Variants in SLC25A16 observed in about 807,000 individuals in gnomAD.
SLC25A16 encodes mitochondrial coenzyme A transporter SLC25A16.
In SLC25A16, 39 loss-of-function variants were observed where a neutral mutation model predicts 41.5. The ratio of observed to expected loss-of-function variants is 0.94; its 90% CI spans 0.73 to 1.23. The LOEUF is 1.23. SLC25A16 is among the 50% of genes most tolerant of loss of function. SLC25A16 has a pLI of 0.00. For missense variants in SLC25A16, 421 were observed against 426.9 expected (o/e 0.99, Z 0.12); for synonymous variants, 146 against 147.8 (o/e 0.99, Z 0.09).
At chr10:68,508,511 C>T (rs1229388918) in intron 2 of SLC25A16, among the ~76,000 whole-genome samples, 2 of 150,824 alleles carry the variant, frequency 1.3e-5, no homozygotes, top group Non-Finnish European at 2.9e-5. Context: ...GTTGGGAGTT[C>T]GAGACCAGCT....
intron 1 of SLC25A16, among the ~76,000 whole-genome samples, chr10:68,526,969 T>A (rs2053347498): frequency 6.6e-6 from 1 of 152,174 alleles, no homozygotes; most frequent in African/African-American, 2.4e-5. Context: ...GATCCTCCTC[T>A]TTTCCCTGTT....
At chr10:68,489,595 C>G (rs2052622633) in intron 6 of SLC25A16, among the ~76,000 whole-genome samples, 1 of 151,892 alleles carries the variant, frequency 6.6e-6, no homozygotes, top group Non-Finnish European at 1.5e-5. Flanking sequence ...AAGCATTACT[C>G]AAGATATTGT....
intron 6 of SLC25A16, among the ~76,000 whole-genome samples, 165 bp downstream of exon 6, chr10:68,492,967 A>G (rs1052655394): frequency 1.3e-5 from 2 of 151,882 alleles, no homozygotes; most frequent in African/African-American, 4.8e-5. Flanking sequence ...ATACACGAAT[A>G]GTCATCTTTA....
At chr10:68,493,630 C>T (rs558291090) in intron 4 of SLC25A16, 60 bp from the exon 5 acceptor site, 8 of 1,300,582 alleles carry the variant, frequency 6.2e-6, no homozygotes, top group Middle Eastern at 1.8e-4. Flanking sequence ...ATATATTCCC[C>T]TATCATTAGT....
intron 4 of SLC25A16, chr10:68,503,354 A>G: frequency 3.6e-6 from 1 of 275,250 alleles, no homozygotes; most frequent in Non-Finnish European, 6.7e-6. Flanking sequence ...ACTACTCCTT[A>G]TCCTCTACTG....
chr10:68,518,063 CG>C (rs1159358233), intron 1 of SLC25A16: 9 of 152,186 alleles, frequency 5.9e-5, no homozygotes, highest in African/African-American at 2.2e-4. Flanking sequence ...TTGGAGGTCA[CG>C]GAGAGCTATA....
chr10:68,514,226 G>A (rs1438418007), intron 2 of SLC25A16, among the ~76,000 whole-genome samples: 2 of 152,136 alleles, frequency 1.3e-5, no homozygotes, highest in Non-Finnish European at 2.9e-5. Flanking sequence ...GCCGGGCACA[G>A]TGGCTTTCAC....
rs2052481843 is a variant in SLC25A16 at position 68,481,319 on chromosome 10, A to G, written c.*2113T>C. 1 of 152,160 alleles carries G rather than the reference A, an allele frequency of 6.6e-6. No homozygotes were observed. The highest frequency in any genetic ancestry group is 1.5e-5 in the Non-Finnish European group (1 of 68,034). The allele number at this position is 152,160 out of a possible 1,614,324, so 9.4% of individuals were successfully genotyped here. A position where few individuals can be genotyped will look rare whatever the true frequency, so the allele number is the denominator to read the frequency against. ...TGTATTTCTACCTACTGGTACACTT[A>G]TAAATCATACAAAGATACATACTTA... is the stretch of plus-strand genomic sequence containing the variant. On this transcript the variant is annotated 3_prime_UTR_variant, in exon 9 of 9. Coordinates refer to ENST00000609923, the MANE Select transcript of SLC25A16 (RefSeq NM_152707.4).
chr10:68,486,230 AC>A (rs71019015), intron 8 of SLC25A16, among the ~76,000 whole-genome samples: 1,710 of 137,434 alleles, frequency 0.012, 57 homozygotes, highest in African/African-American at 0.046. Flanking sequence ...AAAAAACAAA[AC>A]AAAAAAAAAA....
chr10:68,512,943 G>A (rs1463190722), intron 2 of SLC25A16, among the ~76,000 whole-genome samples: 1 of 152,160 alleles, frequency 6.6e-6, no homozygotes, highest in Non-Finnish European at 1.5e-5. Context: ...GGAGGCTGAG[G>A]CAGGAGAATT....
At chr10:68,519,010 T>A (rs1220794437) in intron 1 of SLC25A16, among the ~76,000 whole-genome samples, 1 of 148,912 alleles carries the variant, frequency 6.7e-6, no homozygotes, top group African/African-American at 2.5e-5. Flanking sequence ...CCGACCAACA[T>A]GGAGAAACCC....
rs1255087556 is a variant in SLC25A16, at chr10:68,527,498, C to A, written c.-123G>T. 5.4e-6 allele frequency: 5 copies of A among 928,718 alleles called. No homozygotes were observed. The highest frequency in any genetic ancestry group is 3.2e-5 in the East Asian group (1 of 31,226). The allele number at this position is 928,718 out of a possible 1,614,324, so 57.5% of individuals were successfully genotyped here. On this transcript the variant is annotated 5_prime_UTR_variant, in exon 1 of 9. Transcript: ENST00000609923. ...GCCGGCGGGGCAAAGTAACACCCGG[C>A]GGCGCGGCGCCGGCTGATGGCGTAC...
rs1028805465 is a variant in SLC25A16 at position 68,506,597 on chromosome 10, C to T, written c.345G>A (p.Glu115=). The T allele has an allele frequency of 4.4e-6, 7 of 1,588,882 alleles. No individual in the cohort carries two copies. In the African/African-American group the frequency reaches 5.4e-5, roughly 12 times the overall value. Residue 115 remains glutamate, a synonymous_variant, in exon 3 of 9, where the codon GAG becomes GAA. Coordinates refer to ENST00000609923, the MANE Select transcript of SLC25A16 (RefSeq NM_152707.4). ...PYGAIQFMAF[E]HYKTLITTKL... is the part of the protein sequence containing the mutation. ...AAAGTTTAACTACCGTTTTATAATG[C>T]TCAAATGCCATAAACTGGATTGCAC...
chr10:68,506,547 T>G, intron 3 of SLC25A16, 38 bp downstream of exon 3: 2 of 1,471,196 alleles, frequency 1.4e-6, no homozygotes. Flanking sequence ...TGCATGATAT[T>G]CAAGAACGCA....
intron 3 of SLC25A16, among the ~76,000 whole-genome samples, chr10:68,504,743 C>T (rs895723536): frequency 6.6e-6 from 1 of 151,934 alleles, no homozygotes; most frequent in African/African-American, 2.4e-5. Flanking sequence ...TGCAATGGCA[C>T]GATCTTGGCT....
At chr10:68,514,356 C>T (rs748443067) in intron 2 of SLC25A16, among the ~76,000 whole-genome samples, 3 of 151,960 alleles carry the variant, frequency 2.0e-5, no homozygotes, top group Non-Finnish European at 2.9e-5. Flanking sequence ...ATTAGCCGGG[C>T]GTGGTGGTGC....
rs2052465507 is a variant in SLC25A16 at position 68,479,827 on chromosome 10, A to G, written c.*3605T>C. On this transcript the variant is annotated 3_prime_UTR_variant, in exon 9 of 9. Coordinates refer to ENST00000609923, the MANE Select transcript of SLC25A16 (RefSeq NM_152707.4). ...AGTGAGGCTCTGTCTCAAAAAAAAAAAAAAAAAAGAAAGAAAAGAAAGAAA... is the reference window on the plus strand; with the variant it reads ...AGTGAGGCTCTGTCTCAAAAAAAAAGAAAAAAAAGAAAGAAAAGAAAGAAA... 1 of 151,930 alleles carries G rather than the reference A, an allele frequency of 6.6e-6. No individual in the cohort carries two copies. The highest frequency in any genetic ancestry group is 2.4e-5 in the African/African-American group (1 of 41,222). 9.4% of individuals were successfully genotyped at this position (151,930 alleles called of 1,614,324 possible).
At chr10:68,503,831 CA>C (rs1183605499) in intron 3 of SLC25A16, 136 bp from the exon 4 acceptor site, 1 of 655,096 alleles carries the variant, frequency 1.5e-6, no homozygotes, top group Admixed American at 2.5e-5. Context: ...ACGAAATGAG[CA>C]CAATTAAATA....
intron 1 of SLC25A16, among the ~76,000 whole-genome samples, chr10:68,526,155 A>C (rs1270270898): frequency 2.6e-5 from 4 of 151,632 alleles, no homozygotes; most frequent in African/African-American, 9.7e-5. Context: ...GACAAGAGGA[A>C]GGCATCTGTC....
Sources: allele counts gnomAD v4.1 joint callset (sites outside exome capture counted in the v4.1 genomes callset), GRCh38; gene constraint gnomAD v4.1.1; transcripts MANE v1.5; gene names NCBI Gene and HGNC (gene_info 2026-07-23, HGNC 2026-07-21).